The following TNNT3 variants were observed in gnomAD, a reference collection of about 807,000 sequenced individuals.
The protein encoded by TNNT3 is troponin T3, fast skeletal type.
TNNT3 carries 36 observed loss-of-function variants against 54.2 expected under a neutral mutation model. That is an observed-to-expected ratio of 0.66 (90% CI 0.51 to 0.88). The LOEUF is 0.88. Ranked by LOEUF, TNNT3 falls within the 40% of genes least tolerant of loss-of-function variation. The pLI is 0.00. For synonymous variants in TNNT3, 120 were observed against 109.7 expected, an observed-to-expected ratio of 1.09 and a Z score of -0.59; for missense variants, 291 against 331.6, an observed-to-expected ratio of 0.88 and a Z score of 0.95.
chr11:1,934,936 C>T lies in TNNT3; in HGVS notation c.681+17C>T. 1 of 1,612,262 alleles carries T rather than the reference C, an allele frequency of 6.2e-7. No individual in the cohort carries two copies. Among genetic ancestry groups the T allele is most frequent in the African/African-American group, 1.3e-5 (1 of 75,046 alleles). ...AAATATGACGTGAGTCCCGGCACCT[C>T]CGGCCCTGGGGCCCTAGCGGCTTTC... On this transcript the variant is annotated intron_variant, in intron 14 of 15. Transcript: ENST00000278317.
At chr11:1,932,373 C>G in intron 8 of TNNT3, 96 bp from the exon 9 acceptor site, 1 of 1,208,530 alleles carries the variant, frequency 8.3e-7, no homozygotes, top group Non-Finnish European at 1.2e-6. Flanking sequence ...CAGGAGGGCA[C>G]CAGGGTTGGC....
Position 1,926,693 on chromosome 11 carries a change from A to G in TNNT3, c.68-2A>G. 6.2e-7 allele frequency: 1 copy of G among 1,613,426 alleles called. No individual in the cohort carries two copies. Among genetic ancestry groups the G allele is most frequent in the African/African-American group, 1.3e-5 (1 of 75,016 alleles). On this transcript the variant is annotated splice_acceptor_variant, in intron 5 of 15. Transcript: ENST00000278317. LOFTEE classifies it high-confidence loss of function. ...TCTGCCACCATGACGCTGCTTCTGC[A>G]GAGGAAGTTCAAGAAGGTACGCCGG...
At chr11:1,931,001 C>A (rs955934983) in intron 8 of TNNT3, among the ~76,000 whole-genome samples, 2 of 152,050 alleles carry the variant, frequency 1.3e-5, no homozygotes, top group African/African-American at 2.4e-5. Flanking sequence ...CCATGCATAG[C>A]GCTTGGAAAA....
rs770650461 is a variant in TNNT3 at position 1,924,564 on chromosome 11, C to T, written c.50-535C>T. Among the ~76,000 whole-genome samples, 25 of 152,340 alleles carry T rather than the reference C, an allele frequency of 1.6e-4. No individual in the cohort carries two copies. The East Asian group carries it at 1.7e-3, about 11-fold the overall frequency. On this transcript the variant is annotated intron_variant, in intron 4 of 15. Transcript: ENST00000278317. Reference sequence around the variant, plus strand: ...GAAAAGGTGGAAAGACTCATTTCTGCGAGGGAAATATGGCACTGGGGAGCC... The same window carrying T: ...GAAAAGGTGGAAAGACTCATTTCTGTGAGGGAAATATGGCACTGGGGAGCC...
chr11:1,932,528 A>G lies in TNNT3; in HGVS notation c.171+14A>G, dbSNP rs759049081. 1.2e-5 allele frequency: 20 copies of G among 1,612,868 alleles called. No homozygotes were observed. The highest frequency in any genetic ancestry group is 1.7e-5 in the Non-Finnish European group (20 of 1,179,426). Reference sequence around the variant, plus strand: ...GTGGACTTCGATGTAAGTTTACAGGACTCTGGTTAACATGTCCACGGTTTC... The same window carrying G: ...GTGGACTTCGATGTAAGTTTACAGGGCTCTGGTTAACATGTCCACGGTTTC... On this transcript the variant is annotated intron_variant, in intron 9 of 15. Coordinates refer to ENST00000278317, the MANE Select transcript of TNNT3 (RefSeq NM_006757.4).
Position 1,938,462 on chromosome 11 carries a change from C to T in TNNT3, c.747C>T (p.Ala249=), listed in dbSNP as rs551410081. ...QKHSKKAGTP[A]KGKVGGRWK ...GCAGCAAGAAGGCTGGGACCCCAGC[C>T]AAGGGCAAAGTCGGCGGGCGCTGGA... The change falls in exon 16 of 16, where the codon GCC becomes GCT. Residue 249 remains alanine (A), a synonymous_variant. Transcript: ENST00000278317. 6.2e-7 allele frequency: 1 copy of T among 1,613,342 alleles called. No individual in the cohort carries two copies. The highest frequency in any genetic ancestry group is 8.5e-7 in the Non-Finnish European group (1 of 1,179,930).
At chr11:1,931,024 G>T (rs914377409) in intron 8 of TNNT3, among the ~76,000 whole-genome samples, 1 of 152,150 alleles carries the variant, frequency 6.6e-6, no homozygotes, top group African/African-American at 2.4e-5. Context: ...AAGATTTAAA[G>T]TCGGCCTTGT....
intron 1 of TNNT3, among the ~76,000 whole-genome samples, chr11:1,922,097 C>A (rs1259653244): frequency 6.6e-6 from 1 of 151,684 alleles, no homozygotes; most frequent in African/African-American, 2.4e-5. Context: ...TTGTACAGAG[C>A]CCGGCCCGGG....
At chr11:1,938,215 G>A in intron 15 of TNNT3, 1 of 597,600 alleles carries the variant, frequency 1.7e-6, no homozygotes, top group Non-Finnish European at 3.0e-6. Context: ...GGGTGCCCCG[G>A]GCTCACGTGC....
Position 1,922,667 on chromosome 11 carries a change from G to A in TNNT3, c.-18-190G>A, listed in dbSNP as rs1333542984. ...AGTCTGGGGCGCCAAGAGCTGGGAG[G>A]GGCCAGGAGCCCTGGAGAAAGGGGA... is the stretch of plus-strand genomic sequence containing the variant. On this transcript the variant is annotated intron_variant, in intron 1 of 15. Coordinates refer to ENST00000278317, the MANE Select transcript of TNNT3 (RefSeq NM_006757.4). The A allele has an allele frequency of 9.5e-6, 6 of 630,318 alleles. No homozygotes were observed. The South Asian group carries it at 1.1e-4, about 11-fold the overall frequency. 39.0% of individuals were successfully genotyped at this position (630,318 alleles called of 1,614,324 possible).
chr11:1,926,450 G>A, intron 5 of TNNT3: 1 of 1,613,168 alleles, frequency 6.2e-7, no homozygotes, highest in South Asian at 1.1e-5. Flanking sequence ...CTTGTTCCGT[G>A]GCCTCCTTGG....
intron 6 of TNNT3, among the ~76,000 whole-genome samples, chr11:1,927,670 G>A (rs769738957): frequency 4.3e-4 from 65 of 152,166 alleles, no homozygotes; most frequent in Non-Finnish European, 8.4e-4. Flanking sequence ...TGGGGCAGGA[G>A]CAGAGGAGGC....
chr11:1,930,145 A>C (rs1852946655), intron 8 of TNNT3, among the ~76,000 whole-genome samples: 1 of 152,092 alleles, frequency 6.6e-6, no homozygotes, highest in Non-Finnish European at 1.5e-5. Context: ...CAGTGCAGAC[A>C]AGGAGGGCTT....
intron 5 of TNNT3, 143 bp from the exon 6 acceptor site, chr11:1,926,552 A>T: frequency 8.1e-6 from 13 of 1,611,280 alleles, no homozygotes; most frequent in Non-Finnish European, 1.1e-5. Context: ...AAGAAGGAAC[A>T]AGAGGGGCCG....
intron 9 of TNNT3, 115 bp from the exon 10 acceptor site, chr11:1,933,606 G>C (rs1854062795): frequency 2.5e-6 from 2 of 794,584 alleles, no homozygotes; most frequent in Non-Finnish European, 4.4e-6. Context: ...GGTGGCCAAG[G>C]GAGTCAGGGC....
chr11:1,927,983 A>AC (rs2133344215), intron 6 of TNNT3: 1 of 152,336 alleles, frequency 6.6e-6, no homozygotes, highest in African/African-American at 2.4e-5. Context: ...CACCTGCAAA[A>AC]CCAAGAGCGC....
Position 1,934,423 on chromosome 11 carries a change from A to G in TNNT3, c.458A>G (p.Asn153Ser). ...AAAGCTCTGTCTTCCATGGGAGCCAACTACAGCAGCTACCTGGCCAAGGTG... is the reference window on the plus strand; with the variant it reads ...AAAGCTCTGTCTTCCATGGGAGCCAGCTACAGCAGCTACCTGGCCAAGGTG... Reference protein sequence around the residue: ...KKKALSSMGANYSSYLAKADQ... With the variant: ...KKKALSSMGASYSSYLAKADQ... Residue 153 changes from asparagine to serine, a missense_variant, in exon 12 of 16, where the codon AAC becomes AGC. Transcript: ENST00000278317. The G allele has an allele frequency of 6.2e-7, 1 of 1,613,758 alleles. No homozygotes were observed. Among genetic ancestry groups the G allele is most frequent in the Non-Finnish European group, 8.5e-7 (1 of 1,180,024 alleles).
Position 1,932,514 on chromosome 11 carries a change from T to G in TNNT3, c.171T>G (p.Asp57Glu), listed in dbSNP as rs1223550611. Residue 57 changes from aspartate (D) to glutamate (E), a missense_variant and splice_region_variant, in exon 9 of 16, where the codon GAT (aspartate) becomes GAG (glutamate). Transcript: ENST00000278317. ...CAGAAGGGGAGAAAGTGGACTTCGA[T>G]GTAAGTTTACAGGACTCTGGTTAAC... ...KIPEGEKVDFDDIQKKRQNKD... is the reference protein window; with the variant it reads ...KIPEGEKVDFEDIQKKRQNKD... The G allele has an allele frequency of 1.2e-6, 2 of 1,613,754 alleles. No homozygotes were observed. The highest frequency in any genetic ancestry group is 2.7e-5 in the African/African-American group (2 of 74,898).
chr11:1,934,812 C>G lies in TNNT3; in HGVS notation c.591-17C>G. On this transcript the variant is annotated splice_polypyrimidine_tract_variant and intron_variant, in intron 13 of 15. Coordinates refer to ENST00000278317, the MANE Select transcript of TNNT3 (RefSeq NM_006757.4). ...TGGGGCTTATTCAACGAAGCCTCAC[C>G]ACTTCCTCTGCCCCAGGGACAAGGC... 7 of 1,612,500 alleles carry G rather than the reference C, an allele frequency of 4.3e-6. No homozygotes were observed. The highest frequency in any genetic ancestry group is 5.9e-6 in the Non-Finnish European group (7 of 1,179,382).
Sources: gnomAD v4.1 joint callset for allele counts (sites outside exome capture counted in the v4.1 genomes callset) on GRCh38, gnomAD v4.1.1 for gene constraint, MANE v1.5 for transcripts, NCBI Gene and HGNC (gene_info 2026-07-23, HGNC 2026-07-21) for gene names.